Variants in DNAH7 observed in about 807,000 individuals in gnomAD.
DNAH7 encodes axonemal beta dynein heavy chain 7.
A neutral mutation model predicts 444.6 loss-of-function variants in DNAH7; 397 were observed. That is an observed-to-expected ratio of 0.89 (90% CI 0.82 to 0.97). The LOEUF (loss-of-function observed/expected upper bound fraction) is 0.97, where lower values mean the gene tolerates loss of function less well. Among genes scored for constraint, DNAH7 ranks in the 50% least tolerant of loss-of-function variants. The pLI, the probability that DNAH7 is intolerant of heterozygous loss-of-function variation, is 0.00. For missense variants in DNAH7, 4,902 were observed against 4,800.8 expected (o/e 1.02, Z -0.62); for synonymous variants, 1,636 against 1,624.4 (o/e 1.01, Z -0.17).
chr2:195,931,704 G>C (rs966643087), intron 21 of DNAH7, among the ~76,000 whole-genome samples: 26 of 152,116 alleles, frequency 1.7e-4, no homozygotes, highest in Admixed American at 5.9e-4. Flanking sequence ...TCTTGTTTTT[G>C]TCAGGTTTGT....
Position 195,871,651 on chromosome 2 carries a change from C to A in DNAH7, c.6633+599G>T, listed in dbSNP as rs569259719. On this transcript the variant is annotated intron_variant, in intron 40 of 64. Transcript: ENST00000312428. Reference sequence around the variant, plus strand: ...AAAAACATCTCCTTAAAAAGTGTTCCATTTCAAATTTATTTGAAGTCAAAC... The same window carrying A: ...AAAAACATCTCCTTAAAAAGTGTTCAATTTCAAATTTATTTGAAGTCAAAC... 2.4e-4 allele frequency among the ~76,000 whole-genome samples: 37 copies of A among 151,290 alleles called. No homozygotes were observed. The Middle Eastern group carries it at 0.01, about 42-fold the overall frequency.
intron 19 of DNAH7, among the ~76,000 whole-genome samples, chr2:195,942,420 G>A (rs563110818): frequency 6.6e-6 from 1 of 151,484 alleles, no homozygotes; most frequent in African/African-American, 2.4e-5. Flanking sequence ...GGAGGAAGAG[G>A]AAGAAGGAAG....
At chr2:195,973,646 A>G (rs1173223543) in intron 15 of DNAH7, among the ~76,000 whole-genome samples, 1 of 151,718 alleles carries the variant, frequency 6.6e-6, no homozygotes, top group Non-Finnish European at 1.5e-5. Context: ...TTTGTTTTGT[A>G]ATTTGAGTAG....
chr2:196,036,411 A>T (rs1319997204), intron 5 of DNAH7, among the ~76,000 whole-genome samples: 1 of 152,124 alleles, frequency 6.6e-6, no homozygotes, highest in Non-Finnish European at 1.5e-5. Flanking sequence ...GGCTGAACCC[A>T]GTGGACTGCC....
intron 58 of DNAH7, among the ~76,000 whole-genome samples, chr2:195,781,076 T>C (rs1695351350): frequency 9.6e-6 from 1 of 103,874 alleles, no homozygotes; most frequent in East Asian, 3.4e-4. Flanking sequence ...AAAGCCCTTG[T>C]GAAAAAAAAA....
Position 195,817,822 on chromosome 2 carries a change from A to C in DNAH7, c.9299T>G (p.Leu3100Ter). ...YLPETSVKVT[L>*]LNFMITPEGM... is the part of the protein sequence containing the mutation. ...CTCAGGGGTTATCATGAAGTTTAAT[A>C]ATGTTACCTATAAATGAAAAAATAT... The change falls in exon 50 of 65, where the codon TTA (leucine) becomes TGA (stop). Residue 3100 changes from leucine (L) to a stop codon, truncating the protein, a stop_gained. Coordinates refer to ENST00000312428, the MANE Select transcript of DNAH7 (RefSeq NM_018897.3). LOFTEE classifies it high-confidence loss of function. 6.3e-7 allele frequency: 1 copy of C among 1,578,580 alleles called. No individual in the cohort carries two copies. The highest frequency in any genetic ancestry group is 8.6e-7 in the Non-Finnish European group (1 of 1,167,540).
intron 46 of DNAH7, among the ~76,000 whole-genome samples, chr2:195,846,022 C>CTCTT (rs1289483526): frequency 6.6e-6 from 1 of 152,162 alleles, no homozygotes; most frequent in East Asian, 1.9e-4. Context: ...CCTAATTAAA[C>CTCTT]TAAAGAGCTT....
At chr2:195,917,878 A>G (rs940692353) in intron 24 of DNAH7, among the ~76,000 whole-genome samples, 4 of 152,022 alleles carry the variant, frequency 2.6e-5, no homozygotes, top group African/African-American at 9.7e-5. Flanking sequence ...TATGTTGCCC[A>G]GGCTGGTCTT....
chr2:195,746,695 C>T (rs938402810), intron 63 of DNAH7, among the ~76,000 whole-genome samples: 45 of 152,336 alleles, frequency 3.0e-4, no homozygotes, highest in South Asian at 2.9e-3. Flanking sequence ...AAGAAACTCA[C>T]TCAAAACCAC....
At chr2:196,002,446 A>G (rs779922480) in intron 10 of DNAH7, among the ~76,000 whole-genome samples, 1 of 152,228 alleles carries the variant, frequency 6.6e-6, no homozygotes, top group Non-Finnish European at 1.5e-5. Context: ...AAAGGATTAC[A>G]GTGTAATTTC....
At chr2:195,774,334 C>A (rs1694974100) in intron 60 of DNAH7, among the ~76,000 whole-genome samples, 1 of 152,192 alleles carries the variant, frequency 6.6e-6, no homozygotes, top group Non-Finnish European at 1.5e-5. Context: ...GATTTTAGTG[C>A]TATCAATATC....
At chr2:196,058,770 C>A (rs1223655047) in intron 1 of DNAH7, among the ~76,000 whole-genome samples, 1 of 152,128 alleles carries the variant, frequency 6.6e-6, no homozygotes. Context: ...TGAAAATATT[C>A]TACAGATGGA....
intron 46 of DNAH7, among the ~76,000 whole-genome samples, chr2:195,852,130 C>A (rs960378464): frequency 2.0e-5 from 3 of 151,928 alleles, no homozygotes; most frequent in East Asian, 1.9e-4. Flanking sequence ...TGGTGGCGGG[C>A]ACCTGTAGTC....
chr2:195,770,498 C>A (rs781313370), intron 61 of DNAH7, among the ~76,000 whole-genome samples: 1 of 152,034 alleles, frequency 6.6e-6, no homozygotes, highest in African/African-American at 2.4e-5. Context: ...CCAGGCCCAG[C>A]TTGTTTTCTC....
chr2:195,752,024 A>G (rs1335109579), intron 63 of DNAH7, among the ~76,000 whole-genome samples: 1 of 152,180 alleles, frequency 6.6e-6, no homozygotes, highest in Non-Finnish European at 1.5e-5. Context: ...TAATCCCAGC[A>G]CTTTGGGAGC....
chr2:196,052,598 A>G (rs1184967457), intron 2 of DNAH7, among the ~76,000 whole-genome samples: 3 of 152,224 alleles, frequency 2.0e-5, no homozygotes, highest in African/African-American at 7.2e-5. Flanking sequence ...ATACTGTTGT[A>G]CCACTTTTAT....
intron 23 of DNAH7, among the ~76,000 whole-genome samples, chr2:195,923,295 C>T (rs1014363129): frequency 2.6e-5 from 4 of 152,150 alleles, no homozygotes; most frequent in African/African-American, 9.7e-5. Context: ...GCAAGCCTAG[C>T]AACTCATTTA....
At chr2:195,922,037 CA>C in intron 24 of DNAH7, 50 bp downstream of exon 24, 1 of 1,038,542 alleles carries the variant, frequency 9.6e-7, no homozygotes, top group Non-Finnish European at 1.5e-6. Context: ...ATCAGTGGTA[CA>C]GGGGTGAGTG....
intron 5 of DNAH7, among the ~76,000 whole-genome samples, chr2:196,037,362 C>T (rs897541056): frequency 1.3e-5 from 2 of 151,998 alleles, no homozygotes; most frequent in Non-Finnish European, 2.9e-5. Flanking sequence ...AAACACAACA[C>T]CTGCAAAGGA....
Sources: gnomAD v4.1 joint callset for allele counts (sites outside exome capture counted in the v4.1 genomes callset) on GRCh38, gnomAD v4.1.1 for gene constraint, MANE v1.5 for transcripts, NCBI Gene and HGNC (gene_info 2026-07-23, HGNC 2026-07-21) for gene names.